THADA: variants seen among roughly 807,000 people sequenced by gnomAD.
THADA encodes tRNA (32-2'-O)-methyltransferase regulator THADA.
A neutral mutation model predicts 219.8 loss-of-function variants in THADA; 213 were observed. That is an observed-to-expected ratio of 0.97 (90% CI 0.87 to 1.09). THADA has a LOEUF of 1.09. Among genes scored for constraint, THADA ranks in the 50% least tolerant of loss-of-function variants. The pLI is 0.00. For synonymous variants in THADA, 1,018 were observed against 828.9 expected (o/e 1.23, Z -3.92); for missense variants, 2,956 against 2,311.3 (o/e 1.28, Z -5.72).
intron 29 of THADA, among the ~76,000 whole-genome samples, chr2:43,388,946 C>A (rs780080710): frequency 2.6e-5 from 4 of 152,148 alleles, no homozygotes; most frequent in South Asian, 2.1e-4. Context: ...CCCCTCACCC[C>A]CCGCCCGTAG....
chr2:43,335,727 G>C (rs1439573050), intron 30 of THADA, among the ~76,000 whole-genome samples: 1 of 151,236 alleles, frequency 6.6e-6, no homozygotes, highest in Non-Finnish European at 1.5e-5. Context: ...GGGAGGCCAA[G>C]GCAGGAGGAT....
intron 30 of THADA, among the ~76,000 whole-genome samples, chr2:43,321,374 GA>G (rs1678694361): frequency 6.6e-6 from 1 of 152,142 alleles, no homozygotes; most frequent in Non-Finnish European, 1.5e-5. Context: ...TGTAAAATGG[GA>G]ACTGTATTAT....
intron 36 of THADA, among the ~76,000 whole-genome samples, chr2:43,276,260 C>A (rs1040769258): frequency 2.6e-5 from 4 of 152,170 alleles, no homozygotes; most frequent in Non-Finnish European, 5.9e-5. Flanking sequence ...AGCTGGGGCT[C>A]CCTGATGTCC....
Position 43,400,457 on chromosome 2 carries a change from T to TTATATATATATATATATATATATATA in THADA, c.4059-2319_4059-2318insTATATATATATATATATATATATATA, listed in dbSNP as rs539798216. Among the ~76,000 whole-genome samples the TTATATATATATATATATATATATATA allele has an allele frequency of 5.0e-3, 448 of 89,616 alleles. 8 individuals are homozygous for TTATATATATATATATATATATATATA. The highest frequency in any genetic ancestry group is 8.2e-3 in the Non-Finnish European group (306 of 37,534). 58.8% of individuals were successfully genotyped at this position (89,616 alleles called of 152,430 possible). A position where few individuals can be genotyped will look rare whatever the true frequency, so the allele number is the denominator to read the frequency against. ...TGGAAAGATTAGATCATAGACAAAT[T>TTATATATATATATATATATATATATA]TATATATATATATATATATAAATAT... On this transcript the variant is annotated intron_variant, in intron 28 of 37. Transcript: ENST00000405975.
intron 30 of THADA, among the ~76,000 whole-genome samples, chr2:43,340,022 T>C (rs988471504): frequency 6.6e-6 from 1 of 152,224 alleles, no homozygotes; most frequent in Non-Finnish European, 1.5e-5. Context: ...TCTCTCATGA[T>C]GCCCACTGCC....
chr2:43,464,693 C>T (rs978833230), intron 26 of THADA, among the ~76,000 whole-genome samples: 4 of 152,166 alleles, frequency 2.6e-5, no homozygotes, highest in South Asian at 2.1e-4. Flanking sequence ...ACCACAATCC[C>T]GCTTCCTCCG....
intron 22 of THADA, among the ~76,000 whole-genome samples, chr2:43,520,713 T>TATATACACACACACACACAC (rs1218079783): frequency 6.4e-5 from 8 of 125,124 alleles, no homozygotes; most frequent in African/African-American, 2.4e-4. Context: ...TATATATATA[T>TATATACACACACACACACAC]ACACACACAC....
chr2:43,232,096 C>T (rs955792979), intron 37 of THADA, among the ~76,000 whole-genome samples: 10 of 152,184 alleles, frequency 6.6e-5, no homozygotes, highest in African/African-American at 1.4e-4. Context: ...TTTGGGAAGC[C>T]CCAGGCTAAC....
chr2:43,570,755 G>A (rs1699202350), intron 13 of THADA, among the ~76,000 whole-genome samples: 1 of 152,188 alleles, frequency 6.6e-6, no homozygotes, highest in African/African-American at 2.4e-5. Flanking sequence ...CAAACCTGAA[G>A]ATGATTTAGT....
chr2:43,459,763 C>A (rs191873821), intron 26 of THADA, among the ~76,000 whole-genome samples: 2 of 152,274 alleles, frequency 1.3e-5, no homozygotes, highest in South Asian at 2.1e-4. Flanking sequence ...GAGTCTGGCC[C>A]AAGCTTCCAG....
At chr2:43,447,093 CA>C (rs1302375340) in intron 26 of THADA, among the ~76,000 whole-genome samples, 3 of 152,106 alleles carry the variant, frequency 2.0e-5, no homozygotes, top group Admixed American at 6.5e-5. Flanking sequence ...AGGAAATTTA[CA>C]ATCATGGTGG....
intron 21 of THADA, among the ~76,000 whole-genome samples, chr2:43,529,979 C>A (rs761389085): frequency 9.9e-5 from 15 of 151,970 alleles, no homozygotes; most frequent in Admixed American, 2.0e-4. Flanking sequence ...ACCTATAATC[C>A]AATTCAGTTC....
At chr2:43,533,927 T>A (rs756053291) in intron 21 of THADA, among the ~76,000 whole-genome samples, 4 of 152,028 alleles carry the variant, frequency 2.6e-5, no homozygotes, top group African/African-American at 4.8e-5. Context: ...AACAAAAAAC[T>A]CTTGTTTGCA....
rs777193420 is a variant in THADA, at chr2:43,574,550, A to G, written c.1515T>C (p.His505=). The change falls in exon 11 of 38, where the codon CAT becomes CAC. Residue 505 remains histidine, a synonymous_variant. Coordinates refer to ENST00000405975, the MANE Select transcript of THADA (RefSeq NM_022065.5). The stretch of plus-strand genomic sequence containing the variant: ...CAGTCTGGGATTTCAAATGACTCTT[A>G]TGATTTCTAAACATGGTTTCCAAGA... The part of the protein sequence containing the change: ...SDLLETMFRN[H]KSHLKSQTAE... 6 of 1,614,006 alleles carry G rather than the reference A, an allele frequency of 3.7e-6. No individual in the cohort carries two copies. In the Admixed American group the frequency reaches 1.0e-4, roughly 27 times the overall value.
At chr2:43,593,118 T>C (rs1172815423) in intron 1 of THADA, among the ~76,000 whole-genome samples, 1 of 152,168 alleles carries the variant, frequency 6.6e-6, no homozygotes, top group Non-Finnish European at 1.5e-5. Flanking sequence ...ATGCAAATAT[T>C]AGAGACTATA....
At chr2:43,250,655 G>T (rs544426187) in intron 36 of THADA, among the ~76,000 whole-genome samples, 2 of 152,172 alleles carry the variant, frequency 1.3e-5, no homozygotes, top group Admixed American at 1.3e-4. Flanking sequence ...CTTAAACCCA[G>T]GAGTTTGAGA....
At chr2:43,529,704 A>C (rs567124825) in intron 21 of THADA, among the ~76,000 whole-genome samples, 1 of 152,200 alleles carries the variant, frequency 6.6e-6, no homozygotes, top group Non-Finnish European at 1.5e-5. Context: ...GGTCTCCCCA[A>C]CAGATCACAG....
Position 43,552,350 on chromosome 2 carries a change from C to T in THADA, c.2675-11G>A. Reference sequence around the variant, plus strand: ...TCAAGCATTTGATAACTAGAAAAAGCAAACAGAAAATCAAAGTAATGTCAA... The same window carrying T: ...TCAAGCATTTGATAACTAGAAAAAGTAAACAGAAAATCAAAGTAATGTCAA... On this transcript the variant is annotated splice_polypyrimidine_tract_variant and intron_variant, in intron 17 of 37. Coordinates refer to ENST00000405975, the MANE Select transcript of THADA (RefSeq NM_022065.5). 1.3e-6 allele frequency: 2 copies of T among 1,580,604 alleles called. No homozygotes were observed. The highest frequency in any genetic ancestry group is 1.7e-6 in the Non-Finnish European group (2 of 1,167,250).
intron 26 of THADA, among the ~76,000 whole-genome samples, chr2:43,482,812 A>G (rs773926688): frequency 2.3e-4 from 35 of 152,190 alleles, no homozygotes; most frequent in Admixed American, 1.0e-3. Flanking sequence ...AAACCAAACT[A>G]TATCTCTAAT....
Sources: allele counts gnomAD v4.1 joint callset (sites outside exome capture counted in the v4.1 genomes callset), GRCh38; gene constraint gnomAD v4.1.1; transcripts MANE v1.5; gene names NCBI Gene and HGNC (gene_info 2026-07-23, HGNC 2026-07-21).